CDC42BPA: variants seen among roughly 807,000 people sequenced by gnomAD.
The protein encoded by CDC42BPA is serine/threonine-protein kinase MRCK alpha.
CDC42BPA carries 80 observed loss-of-function variants against 223.5 expected under a neutral mutation model. The ratio of observed to expected loss-of-function variants is 0.36; its 90% CI spans 0.30 to 0.43. The LOEUF (loss-of-function observed/expected upper bound fraction) is 0.43. Among genes scored for constraint, CDC42BPA ranks in the 20% least tolerant of loss-of-function variants. The pLI is 1.00. For missense variants in CDC42BPA, 1,743 were observed against 2,099.9 expected (o/e 0.83, Z 3.32); for synonymous variants, 694 against 718.6 (o/e 0.97, Z 0.55).
intron 2 of CDC42BPA, among the ~76,000 whole-genome samples, chr1:227,232,381 A>C (rs1678149222): frequency 1.3e-5 from 2 of 152,148 alleles, no homozygotes; most frequent in Non-Finnish European, 2.9e-5. Flanking sequence ...TGGTTACTGT[A>C]GCCTTGTGTA....
At chr1:227,311,872 G>C (rs1258695109) in intron 1 of CDC42BPA, among the ~76,000 whole-genome samples, 3 of 150,666 alleles carry the variant, frequency 2.0e-5, no homozygotes, top group Admixed American at 1.3e-4. Flanking sequence ...CTATTTCCAA[G>C]TCTGTATCTT....
At chr1:227,107,801 C>T (rs945436370) in intron 14 of CDC42BPA, among the ~76,000 whole-genome samples, 3 of 152,060 alleles carry the variant, frequency 2.0e-5, no homozygotes, top group African/African-American at 7.3e-5. Context: ...TTCTATTTTG[C>T]CATGAGTCAT....
At chr1:227,239,093 C>T (rs1462960085) in intron 2 of CDC42BPA, among the ~76,000 whole-genome samples, 1 of 151,992 alleles carries the variant, frequency 6.6e-6, no homozygotes, top group African/African-American at 2.4e-5. Flanking sequence ...TTATTCAGCA[C>T]TAAAAAGAAA....
intron 16 of CDC42BPA, among the ~76,000 whole-genome samples, chr1:227,081,456 CTTT>C (rs34665842): frequency 2.1e-5 from 3 of 145,840 alleles, no homozygotes; most frequent in Non-Finnish European, 3.0e-5. Context: ...TTCTCTCTCT[CTTT>C]TTTTTTTTTT....
chr1:227,188,948 T>TGG (rs1364921726), intron 5 of CDC42BPA, among the ~76,000 whole-genome samples: 1 of 152,066 alleles, frequency 6.6e-6, no homozygotes, highest in Non-Finnish European at 1.5e-5. Flanking sequence ...TGTGTGTGTG[T>TGG]GGTGGGCGGG....
intron 2 of CDC42BPA, among the ~76,000 whole-genome samples, chr1:227,230,825 T>C (rs916950673): frequency 3.6e-5 from 3 of 83,028 alleles, no homozygotes; most frequent in African/African-American, 5.4e-5. Flanking sequence ...TCTTTCTTTT[T>C]TTTTTTTTTT....
intron 34 of CDC42BPA, among the ~76,000 whole-genome samples, chr1:227,013,687 T>C (rs993868131): frequency 5.3e-5 from 8 of 152,228 alleles, no homozygotes; most frequent in African/African-American, 1.7e-4. Context: ...TTGGAATGTA[T>C]GAGATAAAAA....
chr1:227,316,028 C>G (rs184395717), intron 1 of CDC42BPA, among the ~76,000 whole-genome samples: 1 of 147,110 alleles, frequency 6.8e-6, no homozygotes, highest in Admixed American at 6.8e-5. Flanking sequence ...TACTTGGGAA[C>G]AGATATTTTA....
chr1:226,999,399 A>C (rs778166198), intron 35 of CDC42BPA, among the ~76,000 whole-genome samples: 1 of 152,024 alleles, frequency 6.6e-6, no homozygotes, highest in Non-Finnish European at 1.5e-5. Context: ...GATGGTCTCG[A>C]TCTCCTGACC....
At chr1:227,004,053 C>CTT (rs1663484491) in intron 35 of CDC42BPA, 8 of 62,032 alleles carry the variant, frequency 1.3e-4, no homozygotes, top group African/African-American at 1.6e-4. Flanking sequence ...CAAACAGATA[C>CTT]ATTTTTTTTT....
intron 14 of CDC42BPA, among the ~76,000 whole-genome samples, chr1:227,106,671 C>A (rs1401974957): frequency 6.6e-6 from 1 of 152,058 alleles, no homozygotes; most frequent in African/African-American, 2.4e-5. Context: ...TTATCAAATC[C>A]AAGGTCTCTT....
chr1:227,114,549 A>T lies in CDC42BPA; in HGVS notation c.1648-1636T>A, dbSNP rs142360211. ...AATGTGAATGTAAACAAATGTGTATATAAGATTATACTATAAAAATGTTAA... is the reference window on the plus strand; with the variant it reads ...AATGTGAATGTAAACAAATGTGTATTTAAGATTATACTATAAAAATGTTAA... On this transcript the variant is annotated intron_variant, in intron 12 of 36. Coordinates refer to ENST00000366766, the MANE Select transcript of CDC42BPA (RefSeq NM_001394014.1). Among the ~76,000 whole-genome samples the T allele has an allele frequency of 2.0e-5, 3 of 152,254 alleles. No individual in the cohort carries two copies. The East Asian group carries it at 5.8e-4, about 29-fold the overall frequency.
At chr1:227,009,983 T>A (rs1379109042) in intron 34 of CDC42BPA, among the ~76,000 whole-genome samples, 1 of 152,208 alleles carries the variant, frequency 6.6e-6, no homozygotes, top group African/African-American at 2.4e-5. Flanking sequence ...GATCTACTAT[T>A]GTTGTAAGTT....
At chr1:227,193,437 T>C (rs1558724394) in intron 5 of CDC42BPA, among the ~76,000 whole-genome samples, 1 of 151,994 alleles carries the variant, frequency 6.6e-6, no homozygotes, top group Non-Finnish European at 1.5e-5. Context: ...TTGTGAGTTA[T>C]GCAATATAGT....
intron 34 of CDC42BPA, among the ~76,000 whole-genome samples, chr1:227,007,478 A>C: frequency 6.6e-6 from 1 of 152,238 alleles, no homozygotes; most frequent in East Asian, 1.9e-4. Context: ...CTGTGAATTC[A>C]CCAGATACTA....
intron 21 of CDC42BPA, 135 bp downstream of exon 21, chr1:227,069,642 T>A (rs937504855): frequency 1.7e-6 from 1 of 583,324 alleles, no homozygotes; most frequent in Non-Finnish European, 3.1e-6. Flanking sequence ...CCTCTGCTAA[T>A]ATGTTTTTGT....
intron 2 of CDC42BPA, among the ~76,000 whole-genome samples, chr1:227,217,663 C>T (rs1034389080): frequency 1.3e-5 from 2 of 152,068 alleles, no homozygotes; most frequent in Admixed American, 1.3e-4. Flanking sequence ...CTTACTATGC[C>T]TTATAGGGCC....
chr1:227,245,295 T>C (rs1361409867), intron 2 of CDC42BPA, among the ~76,000 whole-genome samples: 1 of 147,226 alleles, frequency 6.8e-6, no homozygotes, highest in African/African-American at 2.5e-5. Context: ...TTTTTTTTTT[T>C]TTTTTTTTTT....
chr1:227,313,224 T>C (rs1003053605), intron 1 of CDC42BPA, among the ~76,000 whole-genome samples: 2 of 152,158 alleles, frequency 1.3e-5, no homozygotes, highest in African/African-American at 2.4e-5. Flanking sequence ...TCAAAGACTT[T>C]AGGGGTTAAC....
Sources: gnomAD v4.1 joint callset for allele counts (sites outside exome capture counted in the v4.1 genomes callset) on GRCh38, gnomAD v4.1.1 for gene constraint, MANE v1.5 for transcripts, NCBI Gene and HGNC (gene_info 2026-07-23, HGNC 2026-07-21) for gene names.